Variants in RBFOX1 observed in about 807,000 individuals in gnomAD.
The protein encoded by RBFOX1 is RNA binding protein fox-1 homolog 1.
In RBFOX1, 8 loss-of-function variants were observed where a neutral mutation model predicts 57.7. The ratio of observed to expected loss-of-function variants is 0.14; its 90% CI spans 0.08 to 0.25. The LOEUF (loss-of-function observed/expected upper bound fraction) is 0.25. RBFOX1 is among the 10% of genes least tolerant of loss of function. RBFOX1 has a pLI of 1.00. For missense variants in RBFOX1, 611 were observed against 548.5 expected, an observed-to-expected ratio of 1.11 and a Z score of -1.14; for synonymous variants, 326 against 222.4, an observed-to-expected ratio of 1.47 and a Z score of -4.15.
chr16:5,914,928 G>GAGTGT (rs1463111151), intron 4 of RBFOX1, among the ~76,000 whole-genome samples: 4 of 151,956 alleles, frequency 2.6e-5, no homozygotes, highest in Non-Finnish European at 5.9e-5. Flanking sequence ...AAAAAAAAGA[G>GAGTGT]AGTCTATGAC....
At chr16:7,683,079 A>G (rs1404930030) in intron 14 of RBFOX1, among the ~76,000 whole-genome samples, 2 of 29,716 alleles carry the variant, frequency 6.7e-5, no homozygotes, top group Non-Finnish European at 1.5e-4. Flanking sequence ...TATTCTCCAA[A>G]AAATTAGGAT....
chr16:6,563,915 T>C (rs763065182), intron 2 of RBFOX1, among the ~76,000 whole-genome samples: 3 of 152,010 alleles, frequency 2.0e-5, no homozygotes, highest in Non-Finnish European at 4.4e-5. Context: ...TGTGTGTGTG[T>C]GTATATATAT....
chr16:5,913,524 C>A (rs2058647271), intron 4 of RBFOX1, among the ~76,000 whole-genome samples: 1 of 152,170 alleles, frequency 6.6e-6, no homozygotes, highest in South Asian at 2.1e-4. Context: ...ACCTGCACCC[C>A]TTTGCTTTCC....
chr16:6,120,175 T>C (rs1021315407), intron 1 of RBFOX1, among the ~76,000 whole-genome samples: 1 of 152,226 alleles, frequency 6.6e-6, no homozygotes, highest in East Asian at 1.9e-4. Flanking sequence ...TATGTATTTA[T>C]CCGTTGATTA....
intron 3 of RBFOX1, among the ~76,000 whole-genome samples, chr16:5,839,427 G>C (rs1173243751): frequency 6.6e-6 from 1 of 152,116 alleles, no homozygotes; most frequent in Non-Finnish European, 1.5e-5. Flanking sequence ...CAGCCACTAA[G>C]TGTCCTATTG....
intron 3 of RBFOX1, among the ~76,000 whole-genome samples, chr16:5,805,501 T>C (rs2055196628): frequency 6.6e-6 from 1 of 152,210 alleles, no homozygotes; most frequent in African/African-American, 2.4e-5. Context: ...TAAGCTTCTA[T>C]GTGGGTTGGT....
At chr16:6,759,401 T>G (rs1450314266) in intron 3 of RBFOX1, among the ~76,000 whole-genome samples, 2 of 152,024 alleles carry the variant, frequency 1.3e-5, no homozygotes, top group Non-Finnish European at 2.9e-5. Flanking sequence ...TCTGCCTGCC[T>G]CAGCCTCCCA....
intron 1 of RBFOX1, among the ~76,000 whole-genome samples, chr16:6,125,012 C>G (rs1198647628): frequency 1.3e-5 from 2 of 152,084 alleles, no homozygotes; most frequent in African/African-American, 4.8e-5. Context: ...AGCCTCCAAC[C>G]CAGAGACTCC....
At chr16:6,701,617 C>T (rs1035321746) in intron 3 of RBFOX1, among the ~76,000 whole-genome samples, 5 of 152,018 alleles carry the variant, frequency 3.3e-5, no homozygotes, top group African/African-American at 1.2e-4. Flanking sequence ...GTGCCAGGCT[C>T]TTTATAAAAA....
At chr16:7,447,702 C>G (rs1396193664) in intron 4 of RBFOX1, among the ~76,000 whole-genome samples, 1 of 151,632 alleles carries the variant, frequency 6.6e-6, no homozygotes, top group East Asian at 1.9e-4. Context: ...TTGGCCTAGT[C>G]TCTCACTATC....
At chr16:5,377,898 G>A (rs1478397763) in intron 1 of RBFOX1, among the ~76,000 whole-genome samples, 1 of 151,702 alleles carries the variant, frequency 6.6e-6, no homozygotes, top group Non-Finnish European at 1.5e-5. Flanking sequence ...CTTGAGAACA[G>A]TTTTCCGTTT....
chr16:6,522,596 G>C (rs1053838299), intron 2 of RBFOX1, among the ~76,000 whole-genome samples: 2 of 152,186 alleles, frequency 1.3e-5, no homozygotes, highest in African/African-American at 4.8e-5. Flanking sequence ...GGCTTGTAAA[G>C]TTAAATATGA....
At chr16:5,848,229 G>A (rs563170962) in intron 3 of RBFOX1, among the ~76,000 whole-genome samples, 30 of 152,162 alleles carry the variant, frequency 2.0e-4, no homozygotes, top group African/African-American at 6.7e-4. Context: ...ATCTTATCCA[G>A]CCCACCACCA....
At chr16:7,063,901 G>C (rs549963415) in intron 4 of RBFOX1, among the ~76,000 whole-genome samples, 6 of 152,288 alleles carry the variant, frequency 3.9e-5, no homozygotes, top group Non-Finnish European at 7.4e-5. Context: ...TTTTATATCA[G>C]AGACCTCATT....
intron 3 of RBFOX1, among the ~76,000 whole-genome samples, chr16:6,926,107 A>T (rs918463511): frequency 2.0e-5 from 3 of 151,944 alleles, no homozygotes; most frequent in Non-Finnish European, 4.4e-5. Flanking sequence ...GGAGTTCAAG[A>T]CCAGCCTGGC....
chr16:7,551,026 G>A (rs547223510), intron 5 of RBFOX1, among the ~76,000 whole-genome samples: 68 of 149,574 alleles, frequency 4.5e-4, no homozygotes, highest in Non-Finnish European at 4.7e-4. Flanking sequence ...CCCAGGAGGC[G>A]GAGGTTGCAG....
chr16:7,263,524 C>T (rs1165845301), intron 4 of RBFOX1, among the ~76,000 whole-genome samples: 1 of 152,034 alleles, frequency 6.6e-6, no homozygotes, highest in African/African-American at 2.4e-5. Context: ...TATTGTAGTT[C>T]CTTAGGTGCT....
At chr16:6,175,611 G>T (rs1464126458) in intron 1 of RBFOX1, among the ~76,000 whole-genome samples, 2 of 152,126 alleles carry the variant, frequency 1.3e-5, no homozygotes, top group African/African-American at 4.8e-5. Flanking sequence ...CCTCTCAAGG[G>T]CACGCTGTAG....
At chr16:7,279,766 C>G (rs750220497) in intron 4 of RBFOX1, among the ~76,000 whole-genome samples, 1 of 152,232 alleles carries the variant, frequency 6.6e-6, no homozygotes, top group Non-Finnish European at 1.5e-5. Context: ...CTGGAAAGAG[C>G]TCATAGTTCC....
Sources: gnomAD v4.1 joint callset for allele counts (sites outside exome capture counted in the v4.1 genomes callset) on GRCh38, gnomAD v4.1.1 for gene constraint, MANE v1.5 for transcripts, NCBI Gene and HGNC (gene_info 2026-07-23, HGNC 2026-07-21) for gene names.